The following SMAD1 variants were observed in gnomAD, a reference collection of about 807,000 sequenced individuals.
The protein encoded by SMAD1 is MAD, mothers against decapentaplegic homolog 1.
In SMAD1, 6 loss-of-function variants were observed where a neutral mutation model predicts 41.6. The ratio of observed to expected loss-of-function variants is 0.14; its 90% CI spans 0.08 to 0.28. The LOEUF (loss-of-function observed/expected upper bound fraction) is 0.28. Ranked by LOEUF, SMAD1 falls within the 10% of genes least tolerant of loss-of-function variation. The pLI, the probability that SMAD1 is intolerant of heterozygous loss-of-function variation, is 1.00. For synonymous variants in SMAD1, 206 were observed against 203.2 expected (o/e 1.01, Z -0.12); for missense variants, 379 against 582.6 (o/e 0.65, Z 3.60).
intron 2 of SMAD1, among the ~76,000 whole-genome samples, chr4:145,536,310 C>A (rs1156677690): frequency 1.3e-5 from 2 of 152,046 alleles, no homozygotes; most frequent in East Asian, 3.8e-4. Context: ...ATTTTGGTTT[C>A]TAAATACTAT....
chr4:145,501,980 C>T (rs115463572), intron 1 of SMAD1, among the ~76,000 whole-genome samples: 15 of 152,236 alleles, frequency 9.9e-5, no homozygotes, highest in African/African-American at 2.9e-4. Flanking sequence ...TAGCTACTGA[C>T]GAATCATTCA....
intron 1 of SMAD1, among the ~76,000 whole-genome samples, chr4:145,513,954 A>G (rs1730235390): frequency 6.6e-6 from 1 of 152,240 alleles, no homozygotes; most frequent in African/African-American, 2.4e-5. Flanking sequence ...ATTAAATGCT[A>G]TATATTAGTC....
In SMAD1 at chr4:145,482,200, C is replaced by G. The variant is rs1331299373; in HGVS notation, c.-177+162C>G. ...CGCGGGCAGCGGCGGGAAGGGGGCT[C>G]TTTCTGCGCGGGGCGGGCCGCGACC... On this transcript the variant is annotated intron_variant, in intron 1 of 6. Coordinates refer to ENST00000302085, the MANE Select transcript of SMAD1 (RefSeq NM_005900.3). The surrounding 1 kb of genome is among the most constrained non-coding windows in gnomAD (Gnocchi z 4.2). Among the ~76,000 whole-genome samples, 1 of 149,818 alleles carries G rather than the reference C, an allele frequency of 6.7e-6. No individual in the cohort carries two copies. Among genetic ancestry groups the G allele is most frequent in the Non-Finnish European group, 1.5e-5 (1 of 67,508 alleles).
chr4:145,527,726 A>G (rs1347323200), intron 2 of SMAD1, among the ~76,000 whole-genome samples: 1 of 151,986 alleles, frequency 6.6e-6, no homozygotes, highest in Non-Finnish European at 1.5e-5. Flanking sequence ...CTCTCAACAA[A>G]AAGGAGGGGC....
chr4:145,537,612 A>T (rs1731687247), intron 2 of SMAD1, among the ~76,000 whole-genome samples: 1 of 152,154 alleles, frequency 6.6e-6, no homozygotes, highest in South Asian at 2.1e-4. Flanking sequence ...CAGAAGATAA[A>T]ATTGTATCAT....
At position 145,546,941 on chromosome 4, in the gene SMAD1, A is replaced by C; in HGVS notation, c.997+17A>C. 6.3e-7 allele frequency: 1 copy of C among 1,585,656 alleles called. No homozygotes were observed. The highest frequency in any genetic ancestry group is 8.7e-7 in the Non-Finnish European group (1 of 1,154,256). On this transcript the variant is annotated intron_variant, in intron 5 of 6. Coordinates refer to ENST00000302085, the MANE Select transcript of SMAD1 (RefSeq NM_005900.3). Reference sequence around the variant, plus strand: ...TTGGAAAAGGTGAGTTTTTGCTTTAACCTCTTTCAGATGTTTATCTGTTGT... The same window carrying C: ...TTGGAAAAGGTGAGTTTTTGCTTTACCCTCTTTCAGATGTTTATCTGTTGT...
intron 3 of SMAD1, 35 bp from the exon 4 acceptor site, chr4:145,542,547 A>C (rs1335511777): frequency 7.8e-7 from 1 of 1,288,282 alleles, no homozygotes; most frequent in East Asian, 2.4e-5. Context: ...ATGTTTACTA[A>C]GGGTTAAGAA....
At chr4:145,501,205 T>G (rs1236882304) in intron 1 of SMAD1, among the ~76,000 whole-genome samples, 3 of 152,244 alleles carry the variant, frequency 2.0e-5, no homozygotes, top group Admixed American at 6.5e-5. Flanking sequence ...CAATGACAGA[T>G]CAACAAGTTT....
chr4:145,532,752 T>C (rs1248472795), intron 2 of SMAD1, among the ~76,000 whole-genome samples: 1 of 152,130 alleles, frequency 6.6e-6, no homozygotes, highest in Non-Finnish European at 1.5e-5. Context: ...TTGTTTTCCA[T>C]AAAATAGGAA....
At chr4:145,534,203 A>T (rs1354886467) in intron 2 of SMAD1, among the ~76,000 whole-genome samples, 1 of 152,162 alleles carries the variant, frequency 6.6e-6, no homozygotes, top group East Asian at 1.9e-4. Context: ...TGAGAAAATA[A>T]ATTTCTGTTG....
chr4:145,541,712 G>T (rs1731947057), intron 3 of SMAD1, among the ~76,000 whole-genome samples: 1 of 152,170 alleles, frequency 6.6e-6, no homozygotes. Context: ...CAGTTGCTCT[G>T]AGTGGTCTCG....
chr4:145,487,070 C>T (rs1291889910), intron 1 of SMAD1, among the ~76,000 whole-genome samples: 1 of 152,080 alleles, frequency 6.6e-6, no homozygotes, highest in East Asian at 1.9e-4. Flanking sequence ...TTATTTTCTA[C>T]ATATTAAAAT....
At chr4:145,504,986 C>T (rs984598730) in intron 1 of SMAD1, among the ~76,000 whole-genome samples, 19 of 152,236 alleles carry the variant, frequency 1.2e-4, no homozygotes, top group African/African-American at 4.3e-4. Flanking sequence ...ATTTTTAACC[C>T]TACGTCTTTA....
At chr4:145,535,222 A>G (rs1731546520) in intron 2 of SMAD1, among the ~76,000 whole-genome samples, 1 of 152,178 alleles carries the variant, frequency 6.6e-6, no homozygotes, top group African/African-American at 2.4e-5. Flanking sequence ...AAGGTATGGG[A>G]AAAAGGCACT....
chr4:145,520,737 T>G (rs1185264594), intron 2 of SMAD1, among the ~76,000 whole-genome samples: 1 of 152,146 alleles, frequency 6.6e-6, no homozygotes, highest in African/African-American at 2.4e-5. Context: ...TCAGTGCAAG[T>G]TTTGGAATTG....
At chr4:145,487,025 A>C (rs1728511455) in intron 1 of SMAD1, among the ~76,000 whole-genome samples, 1 of 152,190 alleles carries the variant, frequency 6.6e-6, no homozygotes, top group Non-Finnish European at 1.5e-5. Context: ...GTTTGAGCTA[A>C]GTAGGAATCA....
intron 1 of SMAD1, among the ~76,000 whole-genome samples, chr4:145,506,363 A>G (rs551254145): frequency 6.6e-6 from 1 of 152,258 alleles, no homozygotes; most frequent in Admixed American, 6.5e-5. Context: ...TTGACAATAG[A>G]CCATTTATCT....
intron 1 of SMAD1, chr4:145,503,887 GA>G (rs1729612751): frequency 6.6e-6 from 1 of 152,346 alleles, no homozygotes; most frequent in Non-Finnish European, 1.5e-5. Context: ...GCCCTGCCAT[GA>G]AATGGTGTCC....
At chr4:145,557,050 T>A (rs911602952) in intron 6 of SMAD1, among the ~76,000 whole-genome samples, 2 of 152,232 alleles carry the variant, frequency 1.3e-5, no homozygotes, top group African/African-American at 4.8e-5. Flanking sequence ...TCTCTGATAT[T>A]CCTCATGAAA....
Sources: allele counts gnomAD v4.1 joint callset (sites outside exome capture counted in the v4.1 genomes callset), GRCh38; gene constraint gnomAD v4.1.1; non-coding constraint Gnocchi (gnomAD v3.1); transcripts MANE v1.5; gene names NCBI Gene and HGNC (gene_info 2026-07-23, HGNC 2026-07-21).